TACR1: variants seen among roughly 807,000 people sequenced by gnomAD.
The protein encoded by TACR1 is substance-P receptor.
In TACR1, 25 loss-of-function variants were observed where a neutral mutation model predicts 35.8. The ratio of observed to expected loss-of-function variants is 0.70; its 90% CI spans 0.51 to 0.98. The LOEUF (loss-of-function observed/expected upper bound fraction) is 0.98. Ranked by LOEUF, TACR1 falls within the 50% of genes least tolerant of loss-of-function variation. The probability of loss-of-function intolerance (pLI) is 0.00; values close to 1 mark genes in which losing one functional copy is unlikely to be tolerated. For synonymous variants in TACR1, 195 were observed against 206.7 expected (o/e 0.94, Z 0.48); for missense variants, 478 against 522.9 (o/e 0.91, Z 0.84).
chr2:75,065,696 C>A (rs1672750437), intron 2 of TACR1, among the ~76,000 whole-genome samples: 2 of 152,048 alleles, frequency 1.3e-5, no homozygotes, highest in South Asian at 4.2e-4. Flanking sequence ...GTCACGCACT[C>A]CAAATCAGCT....
chr2:75,162,109 A>G (rs1675025039), intron 1 of TACR1, among the ~76,000 whole-genome samples: 1 of 151,472 alleles, frequency 6.6e-6, no homozygotes, highest in Non-Finnish European at 1.5e-5. Context: ...GAAACCTTCC[A>G]ATTAATATCA....
chr2:75,115,534 G>A (rs1324889069), intron 2 of TACR1, among the ~76,000 whole-genome samples: 1 of 152,116 alleles, frequency 6.6e-6, no homozygotes, highest in African/African-American at 2.4e-5. Flanking sequence ...ATAGCAAACC[G>A]TTGAAGACAA....
intron 2 of TACR1, among the ~76,000 whole-genome samples, chr2:75,118,287 T>A (rs1393751595): frequency 6.6e-6 from 1 of 152,256 alleles, no homozygotes; most frequent in Non-Finnish European, 1.5e-5. Context: ...TATGCACTTA[T>A]GTTTCCATCA....
intron 3 of TACR1, 47 bp from the exon 4 acceptor site, chr2:75,051,494 C>T: frequency 6.2e-7 from 1 of 1,604,910 alleles, no homozygotes; most frequent in Non-Finnish European, 8.5e-7. Flanking sequence ...ATCCCCCTCT[C>T]TCACGGCTGC....
chr2:75,051,275 A>G lies in TACR1; in HGVS notation c.908T>C (p.Ile303Thr), dbSNP rs1672463365. The change falls in exon 4 of 5, where the codon ATC becomes ACC. Residue 303 changes from isoleucine (I) to threonine (T), a missense_variant. Ile to Thr is a moderately conservative substitution (Grantham distance 89). Coordinates refer to ENST00000305249, the MANE Select transcript of TACR1 (RefSeq NM_001058.4). Reference protein sequence around the residue: ...LAMSSTMYNPIIYCCLNDRFR... With the variant: ...LAMSSTMYNPTIYCCLNDRFR... ...CCTGTCATTGAGGCAGCAGTAGATG[A>G]TGGGGTTGTACATGGTGGAGCTCAT... 6.2e-7 allele frequency: 1 copy of G among 1,614,156 alleles called. No individual in the cohort carries two copies. Among genetic ancestry groups the G allele is most frequent in the Non-Finnish European group, 8.5e-7 (1 of 1,180,026 alleles).
intron 1 of TACR1, among the ~76,000 whole-genome samples, chr2:75,197,118 T>G (rs1236231438): frequency 6.6e-6 from 1 of 152,252 alleles, no homozygotes; most frequent in African/African-American, 2.4e-5. Flanking sequence ...TTTGAGTAAT[T>G]GGTTTACCAT....
chr2:75,193,379 A>G (rs539287879), intron 1 of TACR1, among the ~76,000 whole-genome samples: 3 of 152,260 alleles, frequency 2.0e-5, no homozygotes, highest in South Asian at 4.1e-4. Flanking sequence ...TCCTCTTACC[A>G]TTCTCTGCTG....
At chr2:75,121,244 G>A (rs1277207413) in intron 1 of TACR1, among the ~76,000 whole-genome samples, 1 of 152,108 alleles carries the variant, frequency 6.6e-6, no homozygotes, top group African/African-American at 2.4e-5. Context: ...CAATTTGAGG[G>A]GAAGTAAACA....
intron 2 of TACR1, among the ~76,000 whole-genome samples, chr2:75,063,319 G>A (rs900879274): frequency 3.3e-5 from 5 of 152,124 alleles, no homozygotes; most frequent in African/African-American, 1.2e-4. Context: ...TGGTCATATT[G>A]TCTTTCCTAA....
intron 2 of TACR1, among the ~76,000 whole-genome samples, chr2:75,087,213 C>T (rs1374816676): frequency 3.3e-5 from 5 of 152,262 alleles, no homozygotes; most frequent in Admixed American, 2.6e-4. Context: ...CTCATTTGTA[C>T]GTTAAGAAAT....
intron 2 of TACR1, among the ~76,000 whole-genome samples, chr2:75,063,006 G>A (rs538624948): frequency 1.6e-4 from 25 of 152,172 alleles, no homozygotes; most frequent in South Asian, 4.1e-4. Flanking sequence ...TAATCATGGC[G>A]GAAGGTGAAA....
intron 1 of TACR1, among the ~76,000 whole-genome samples, chr2:75,191,924 G>A (rs908029641): frequency 4.6e-5 from 7 of 152,120 alleles, no homozygotes; most frequent in Admixed American, 4.6e-4. Flanking sequence ...TTTTCATGGA[G>A]CTTGCAATCT....
intron 2 of TACR1, 103 bp downstream of exon 2, chr2:75,120,471 T>G: frequency 8.8e-7 from 1 of 1,130,234 alleles, no homozygotes; most frequent in Non-Finnish European, 1.3e-6. Flanking sequence ...ACACATTAAA[T>G]CTGTACCAAC....
chr2:75,133,568 A>G (rs111660321), intron 1 of TACR1, among the ~76,000 whole-genome samples: 7 of 152,184 alleles, frequency 4.6e-5, no homozygotes, highest in African/African-American at 1.7e-4. Context: ...AGAGAACTTA[A>G]GTAACTCATC....
chr2:75,057,478 C>T lies in TACR1; in HGVS notation c.585-3723G>A, dbSNP rs377579956. 4.6e-5 allele frequency among the ~76,000 whole-genome samples: 7 copies of T among 152,126 alleles called. No homozygotes were observed. In the East Asian group the frequency reaches 7.7e-4, roughly 17 times the overall value. ...GTTGGGTGGTCTCTTCACATGGACG[C>T]GAGTGAAACATTCAACCTTAAAAAA... On this transcript the variant is annotated intron_variant, in intron 2 of 4. Coordinates refer to ENST00000305249, the MANE Select transcript of TACR1 (RefSeq NM_001058.4).
In TACR1 at chr2:75,115,447, T is replaced by C. The variant is rs192755639; in HGVS notation, c.584+5127A>G. 4.3e-4 allele frequency among the ~76,000 whole-genome samples: 66 copies of C among 152,258 alleles called. 1 individual carries two copies. Among genetic ancestry groups the C allele is most frequent in the African/African-American group, 1.6e-3 (65 of 41,546 alleles). ...GGCAAATATCAAAATTAAGATGATA[T>C]AGTCTATTTTTGAGATTTTATGCTA... On this transcript the variant is annotated intron_variant, in intron 2 of 4. Coordinates refer to ENST00000305249, the MANE Select transcript of TACR1 (RefSeq NM_001058.4).
chr2:75,109,526 G>A (rs987737321), intron 2 of TACR1, among the ~76,000 whole-genome samples: 2 of 152,154 alleles, frequency 1.3e-5, no homozygotes, highest in African/African-American at 4.8e-5. Flanking sequence ...AAAAGTAAAT[G>A]TCTCTTTGTG....
intron 2 of TACR1, among the ~76,000 whole-genome samples, chr2:75,067,898 A>T (rs1672798550): frequency 6.6e-6 from 1 of 152,154 alleles, no homozygotes; most frequent in Non-Finnish European, 1.5e-5. Flanking sequence ...CTGGGCCTGC[A>T]AAGTGCCAAG....
intron 2 of TACR1, among the ~76,000 whole-genome samples, chr2:75,057,835 T>C (rs1443627573): frequency 6.6e-6 from 1 of 152,188 alleles, no homozygotes; most frequent in Non-Finnish European, 1.5e-5. Flanking sequence ...TTGCACAACA[T>C]TGTGAATTTA....
Sources: allele counts gnomAD v4.1 joint callset (sites outside exome capture counted in the v4.1 genomes callset), GRCh38; gene constraint gnomAD v4.1.1; transcripts MANE v1.5; gene names NCBI Gene and HGNC (gene_info 2026-07-23, HGNC 2026-07-21).